Variants in MAX observed in about 807,000 individuals in gnomAD.
MAX encodes MYC associated transcriptional regulator X.
In MAX, 3 loss-of-function variants were observed where a neutral mutation model predicts 22.3. The ratio of observed to expected loss-of-function variants is 0.13; its 90% CI spans 0.06 to 0.35. The LOEUF (loss-of-function observed/expected upper bound fraction) is 0.35, where lower values mean the gene tolerates loss of function less well. Among genes scored for constraint, MAX ranks in the 10% least tolerant of loss-of-function variants. MAX has a pLI of 1.00. For missense variants in MAX, 119 were observed against 209.4 expected (o/e 0.57, Z 2.66); for synonymous variants, 72 against 77.7 (o/e 0.93, Z 0.39).
Position 65,079,749 on chromosome 14 carries a change from C to T in MAX, c.172-1713G>A, listed in dbSNP as rs1775754069. On this transcript the variant is annotated intron_variant, in intron 3 of 4. Coordinates refer to ENST00000358664, the MANE Select transcript of MAX (RefSeq NM_002382.5). This position sits in a 1 kb window ranked among gnomAD's most constrained non-coding sequence, Gnocchi z 4.5. Reference sequence around the variant, plus strand: ...AAACCAGATCTACTCATATTAAATCCTAACAATCTCAATTTATAGGCCTCA... The same window carrying T: ...AAACCAGATCTACTCATATTAAATCTTAACAATCTCAATTTATAGGCCTCA... Among the ~76,000 whole-genome samples, 1 of 152,186 alleles carries T rather than the reference C, an allele frequency of 6.6e-6. No homozygotes were observed. Among genetic ancestry groups the T allele is most frequent in the South Asian group, 2.1e-4 (1 of 4,828 alleles).
intron 3 of MAX, among the ~76,000 whole-genome samples, chr14:65,092,033 GAAGA>G (rs937465105): frequency 1.6e-4 from 24 of 152,276 alleles, no homozygotes; most frequent in African/African-American, 5.5e-4. Flanking sequence ...TAACTTCCTT[GAAGA>G]AAGAAAGGAG....
rs548949250 is a variant in MAX, at chr14:65,063,822, C to G, written c.171+29886G>C. Among the ~76,000 whole-genome samples, 6 of 152,314 alleles carry G rather than the reference C, an allele frequency of 3.9e-5. No individual in the cohort carries two copies. In the South Asian group the frequency reaches 1.2e-3, roughly 32 times the overall value. ...TCAAGCAATCTTCCTGCCTCAGCCT[C>G]CCAAAGTGCTGAGATTACGGGTGTG... On this transcript the variant is annotated intron_variant, in intron 3 of 3. Coordinates refer to the MAX transcript ENST00000341653.
At chr14:65,035,103 T>C (rs1226652466) in intron 3 of MAX, among the ~76,000 whole-genome samples, 1 of 152,258 alleles carries the variant, frequency 6.6e-6, no homozygotes, top group Non-Finnish European at 1.5e-5. Context: ...TTGACTTTCC[T>C]GTTTCTGGAT....
At chr14:65,013,693 G>A (rs1031693352) in intron 3 of MAX, among the ~76,000 whole-genome samples, 8 of 152,118 alleles carry the variant, frequency 5.3e-5, no homozygotes, top group African/African-American at 1.7e-4. Context: ...GATTACAGGT[G>A]TGCACCATCA....
rs1004559788 is a variant in MAX, at chr14:65,011,424, G to A, written c.172-5140C>T. Reference sequence around the variant, plus strand: ...AGCCTGGGTGACAGAGCGAGACTCCGTCTCAGGAAAAAAAAAAAAAAAAAA... The same window carrying A: ...AGCCTGGGTGACAGAGCGAGACTCCATCTCAGGAAAAAAAAAAAAAAAAAA... On this transcript the variant is annotated intron_variant, in intron 3 of 3. Coordinates refer to the MAX transcript ENST00000341653. This position sits in a 1 kb window ranked among gnomAD's most constrained non-coding sequence, Gnocchi z 4.0. Among the ~76,000 whole-genome samples the A allele has an allele frequency of 9.7e-5, 12 of 123,956 alleles. No homozygotes were observed. The highest frequency in any genetic ancestry group is 1.6e-4 in the Non-Finnish European group (10 of 64,246). The allele number at this position is 123,956 out of a possible 152,430, so 81.3% of individuals were successfully genotyped here.
chr14:65,102,237 G>A (rs2139975088), intron 1 of MAX, 67 bp downstream of exon 1: 3 of 1,603,402 alleles, frequency 1.9e-6, no homozygotes, highest in African/African-American at 1.3e-5. Context: ...CCGTCGCCCC[G>A]CTAAGAGCCC....
At chr14:65,075,087 ACCTTGG>A (rs1181393278), downstream of MAX, 1 of 1,012,470 alleles carries the variant, frequency 9.9e-7, no homozygotes, top group Non-Finnish European at 1.2e-6. The surrounding 1 kb of genome is among the most constrained non-coding windows in gnomAD (Gnocchi z 4.1). Flanking sequence ...CTCATCAACC[ACCTTGG>A]CCTTAACAAG....
chr14:65,077,806 C>T lies in MAX; in HGVS notation c.295+107G>A, dbSNP rs778298247. 2 of 1,614,160 alleles carry T rather than the reference C, an allele frequency of 1.2e-6. No homozygotes were observed. Among genetic ancestry groups the T allele is most frequent in the Non-Finnish European group, 1.7e-6 (2 of 1,180,038 alleles). On this transcript the variant is annotated intron_variant, in intron 4 of 4. Transcript: ENST00000358664. This position sits in a 1 kb window ranked among gnomAD's most constrained non-coding sequence, Gnocchi z 6.3. ...CCAAGAAGCAGGACCAAGCCTGCTA[C>T]TGAGCACATACTCCATGACTGGCTC...
At chr14:65,026,479 C>T (rs989743869) in intron 3 of MAX, among the ~76,000 whole-genome samples, 1 of 152,150 alleles carries the variant, frequency 6.6e-6, no homozygotes, top group African/African-American at 2.4e-5. Flanking sequence ...CAGTGCAGCT[C>T]CTCTTATGTT....
downstream of MAX, among the ~76,000 whole-genome samples, chr14:65,071,859 C>T (rs2062990785): frequency 6.6e-6 from 1 of 152,238 alleles, no homozygotes; most frequent in African/African-American, 2.4e-5. The surrounding 1 kb of genome is among the most constrained non-coding windows in gnomAD (Gnocchi z 4.2). Flanking sequence ...CTGCCTGGTG[C>T]AGTCACCCAG....
rs748538285 is a variant in MAX at position 65,077,529 on chromosome 14, C to T, written c.295+384G>A. On this transcript the variant is annotated intron_variant, in intron 4 of 4. Transcript: ENST00000358664. This position sits in a 1 kb window ranked among gnomAD's most constrained non-coding sequence, Gnocchi z 6.3. The stretch of plus-strand genomic sequence containing the variant: ...TACCATTGACAATGGGGAGGGCTCA[C>T]TGTCCCTGAACACCTGGAGTCTCTG... 9.4e-6 allele frequency: 9 copies of T among 957,974 alleles called. No individual in the cohort carries two copies. In the South Asian group the frequency reaches 1.0e-4, roughly 11 times the overall value. 59.3% of individuals were successfully genotyped at this position (957,974 alleles called of 1,614,324 possible).
In MAX at chr14:65,012,344, C is replaced by T. The variant is rs2061696693; in HGVS notation, c.172-6060G>A. 3.1e-6 allele frequency: 5 copies of T among 1,614,054 alleles called. No individual in the cohort carries two copies. In the African/African-American group the frequency reaches 4.0e-5, roughly 13 times the overall value. On this transcript the variant is annotated intron_variant, in intron 3 of 3. Transcript: ENST00000341653. The surrounding 1 kb of genome is among the most constrained non-coding windows in gnomAD (Gnocchi z 5.0). Reference sequence around the variant, plus strand: ...TTGTTTTGCAGAGGGAGAAGCACTTCCATTATCTGAAAAGAGGCCTTCGAC... The same window carrying T: ...TTGTTTTGCAGAGGGAGAAGCACTTTCATTATCTGAAAAGAGGCCTTCGAC...
chr14:65,054,706 G>T lies in MAX; in HGVS notation c.171+39002C>A. ...AACGCTCTGGTAAGACGGGTGCAGG[G>T]CTTCACACCCCTTCTCCACAGGGAC... is the stretch of plus-strand genomic sequence containing the variant. On this transcript the variant is annotated intron_variant, in intron 3 of 3. Transcript: ENST00000341653. This position sits in a 1 kb window ranked among gnomAD's most constrained non-coding sequence, Gnocchi z 4.4. 6.3e-7 allele frequency: 1 copy of T among 1,594,076 alleles called. No individual in the cohort carries two copies. Among genetic ancestry groups the T allele is most frequent in the Non-Finnish European group, 8.5e-7 (1 of 1,170,114 alleles).
intron 3 of MAX, among the ~76,000 whole-genome samples, chr14:65,066,557 A>C (rs2062932242): frequency 6.6e-6 from 1 of 152,144 alleles, no homozygotes; most frequent in African/African-American, 2.4e-5. Flanking sequence ...ACAAAATAAC[A>C]ATAAGAAAAA....
intron 3 of MAX, among the ~76,000 whole-genome samples, chr14:65,046,529 A>C (rs2062482596): frequency 6.6e-6 from 1 of 152,164 alleles, no homozygotes; most frequent in Non-Finnish European, 1.5e-5. Flanking sequence ...GTGGCATTCA[A>C]AGCTTTGTCT....
chr14:65,017,249 G>T (rs1724577498), intron 3 of MAX, among the ~76,000 whole-genome samples: 1 of 152,078 alleles, frequency 6.6e-6, no homozygotes, highest in Admixed American at 6.6e-5. Flanking sequence ...TACCAGCTCG[G>T]GGGCCTGGGG....
chr14:65,073,888 G>C (rs1385206588), downstream of MAX, among the ~76,000 whole-genome samples: 2 of 152,140 alleles, frequency 1.3e-5, no homozygotes, highest in Non-Finnish European at 2.9e-5. Context: ...AGGTGAACCA[G>C]CCACCTAGCC....
intron 3 of MAX, among the ~76,000 whole-genome samples, chr14:65,010,003 C>T (rs2061659277): frequency 6.6e-6 from 1 of 152,120 alleles, no homozygotes; most frequent in Non-Finnish European, 1.5e-5. Context: ...AGTGGACTTT[C>T]CTGAAAGAGA....
rs1350583386 is a variant in MAX, at chr14:65,069,252, C to G, written c.171+24456G>C. 1.1e-4 allele frequency among the ~76,000 whole-genome samples: 17 copies of G among 152,160 alleles called. No homozygotes were observed. Among genetic ancestry groups the G allele is most frequent in the Non-Finnish European group, 2.5e-4 (17 of 68,014 alleles). ...CACCCTCCCTTCACCAACAGCCCCC[C>G]ACCCCCAGCCTGTCTGGACAGCTAG... is the stretch of plus-strand genomic sequence containing the variant. On this transcript the variant is annotated intron_variant, in intron 3 of 3. Transcript: ENST00000341653. This position sits in a 1 kb window ranked among gnomAD's most constrained non-coding sequence, Gnocchi z 4.6.
Sources: allele counts gnomAD v4.1 joint callset (sites outside exome capture counted in the v4.1 genomes callset), GRCh38; gene constraint gnomAD v4.1.1; non-coding constraint Gnocchi (gnomAD v3.1); transcripts MANE v1.5; gene names NCBI Gene and HGNC (gene_info 2026-07-23, HGNC 2026-07-21).